The following CDH4 variants were observed in gnomAD, a reference collection of about 807,000 sequenced individuals.
CDH4 encodes cadherin-4.
A neutral mutation model predicts 86.0 loss-of-function variants in CDH4; 33 were observed. The ratio of observed to expected loss-of-function variants is 0.38; its 90% CI spans 0.29 to 0.51. CDH4 has a LOEUF of 0.51. CDH4 is among the 20% of genes least tolerant of loss of function. CDH4 has a pLI of 0.86. For missense variants in CDH4, 1,114 were observed against 1,307.4 expected (o/e 0.85, Z 2.28); for synonymous variants, 555 against 549.4 (o/e 1.01, Z -0.14).
At chr20:61,692,114 C>G (rs972631590) in intron 2 of CDH4, among the ~76,000 whole-genome samples, 65 of 147,598 alleles carry the variant, frequency 4.4e-4, no homozygotes, top group African/African-American at 1.6e-3. Context: ...TGTGTGTATG[C>G]ATGTGTGTGT....
intron 2 of CDH4, among the ~76,000 whole-genome samples, chr20:61,675,081 C>G (rs2087431729): frequency 6.6e-6 from 1 of 152,236 alleles, no homozygotes; most frequent in Non-Finnish European, 1.5e-5. Context: ...GGTCTTCATT[C>G]TAGCAGTGCA....
chr20:61,546,034 CGTG>C (rs1568886563), intron 2 of CDH4, among the ~76,000 whole-genome samples: 4 of 1,332 alleles, frequency 3.0e-3, no homozygotes, highest in African/African-American at 0.01. Flanking sequence ...GGTGTGTGTT[CGTG>C]TGTGTGTGGA....
chr20:61,407,083 A>G (rs1218612263), intron 2 of CDH4, among the ~76,000 whole-genome samples: 1 of 152,106 alleles, frequency 6.6e-6, no homozygotes, highest in African/African-American at 2.4e-5. Context: ...ACAGCGTCAA[A>G]TAAGACAGAT....
At chr20:61,317,710 CA>C (rs1328257677) in intron 2 of CDH4, among the ~76,000 whole-genome samples, 1 of 152,172 alleles carries the variant, frequency 6.6e-6, no homozygotes, top group Non-Finnish European at 1.5e-5. Context: ...AGATGTTGCC[CA>C]GTGTCCCCTG....
At chr20:61,312,762 A>C (rs1264217340) in intron 2 of CDH4, among the ~76,000 whole-genome samples, 1 of 151,870 alleles carries the variant, frequency 6.6e-6, no homozygotes, top group Non-Finnish European at 1.5e-5. Flanking sequence ...GCGTATGATG[A>C]CCCCTTCCAG....
intron 4 of CDH4, among the ~76,000 whole-genome samples, chr20:61,800,235 C>A (rs576878357): frequency 1.3e-5 from 2 of 152,364 alleles, no homozygotes; most frequent in Non-Finnish European, 1.5e-5. Context: ...GACCGCACTC[C>A]CTCGAGTGCA....
chr20:61,646,961 G>A (rs2087067492), intron 2 of CDH4, among the ~76,000 whole-genome samples: 1 of 152,218 alleles, frequency 6.6e-6, no homozygotes, highest in Non-Finnish European at 1.5e-5. Flanking sequence ...CGGGAAGACT[G>A]GGAAAGTGAA....
chr20:61,816,504 A>G (rs1980718641), intron 4 of CDH4, among the ~76,000 whole-genome samples: 1 of 152,244 alleles, frequency 6.6e-6, no homozygotes, highest in Non-Finnish European at 1.5e-5. Flanking sequence ...TATAAAAAGT[A>G]GCTACTATCA....
intron 2 of CDH4, among the ~76,000 whole-genome samples, chr20:61,639,048 A>G (rs185465487): frequency 6.6e-6 from 1 of 152,366 alleles, no homozygotes; most frequent in Non-Finnish European, 1.5e-5. Context: ...TACTGCCGGT[A>G]GAATGAATGA....
chr20:61,712,585 T>C (rs2087905214), intron 2 of CDH4, among the ~76,000 whole-genome samples: 1 of 152,026 alleles, frequency 6.6e-6, no homozygotes, highest in African/African-American at 2.4e-5. Flanking sequence ...TCCCCTTCTC[T>C]CCAGCTTAAA....
intron 4 of CDH4, among the ~76,000 whole-genome samples, chr20:61,819,552 A>G (rs1281868732): frequency 6.6e-6 from 1 of 152,242 alleles, no homozygotes; most frequent in Non-Finnish European, 1.5e-5. Flanking sequence ...CACCCGCTTC[A>G]TGATGACAGC....
At chr20:61,812,954 T>A (rs1300649906) in intron 4 of CDH4, among the ~76,000 whole-genome samples, 1 of 152,094 alleles carries the variant, frequency 6.6e-6, no homozygotes, top group East Asian at 1.9e-4. Flanking sequence ...GGGGACTCTG[T>A]GGGGAAACTG....
chr20:61,368,908 G>A (rs1475549197), intron 2 of CDH4, among the ~76,000 whole-genome samples: 1 of 152,128 alleles, frequency 6.6e-6, no homozygotes, highest in East Asian at 1.9e-4. Flanking sequence ...GAACAAATCA[G>A]TATCACTGAT....
At chr20:61,845,970 C>T (rs1232162169) in intron 5 of CDH4, among the ~76,000 whole-genome samples, 1 of 152,260 alleles carries the variant, frequency 6.6e-6, no homozygotes, top group African/African-American at 2.4e-5. Context: ...GGCTTTTCCA[C>T]GCCAGATCTC....
intron 2 of CDH4, among the ~76,000 whole-genome samples, chr20:61,678,397 G>T (rs2087470750): frequency 6.6e-6 from 1 of 152,200 alleles, no homozygotes; most frequent in South Asian, 2.1e-4. Context: ...TCTGAAGATG[G>T]TAACTGGGTA....
intron 2 of CDH4, among the ~76,000 whole-genome samples, chr20:61,739,705 A>G (rs191505407): frequency 6.6e-6 from 1 of 152,344 alleles, no homozygotes; most frequent in Non-Finnish European, 1.5e-5. Context: ...GCCCAGGCCC[A>G]GTTCAGAAGG....
chr20:61,695,860 C>T (rs1027705229), intron 2 of CDH4, among the ~76,000 whole-genome samples: 5 of 152,208 alleles, frequency 3.3e-5, no homozygotes, highest in Middle Eastern at 3.4e-3. Context: ...GTGACTTGGC[C>T]GCCACACTGA....
chr20:61,273,239 T>G (rs1277591345), intron 2 of CDH4, among the ~76,000 whole-genome samples: 18 of 84,392 alleles, frequency 2.1e-4, no homozygotes, highest in East Asian at 3.8e-4. Context: ...TTTGGGGGAG[T>G]ACAGTGTGCA....
intron 4 of CDH4, among the ~76,000 whole-genome samples, chr20:61,808,267 C>T (rs1001390862): frequency 1.3e-5 from 2 of 151,938 alleles, no homozygotes; most frequent in African/African-American, 2.4e-5. Flanking sequence ...TTCCAGAACC[C>T]CACTTTGATT....
Sources: gnomAD v4.1 joint callset for allele counts (sites outside exome capture counted in the v4.1 genomes callset) on GRCh38, gnomAD v4.1.1 for gene constraint, MANE v1.5 for transcripts, NCBI Gene and HGNC (gene_info 2026-07-23, HGNC 2026-07-21) for gene names.